The following TP63 variants were observed in gnomAD, a reference collection of about 807,000 sequenced individuals.
The protein encoded by TP63 is tumor protein 63.
Under a neutral mutation model 82.8 loss-of-function variants are expected in TP63, and 17 were observed. The ratio of observed to expected loss-of-function variants is 0.21; its 90% CI spans 0.14 to 0.31. The LOEUF is 0.31. Ranked by LOEUF, TP63 falls within the 10% of genes least tolerant of loss-of-function variation. The pLI is 1.00. For synonymous variants in TP63, 330 were observed against 321.7 expected (o/e 1.03, Z -0.28); for missense variants, 648 against 895.3 (o/e 0.72, Z 3.52).
chr3:189,774,663 A>T (rs1384648044), intron 3 of TP63, among the ~76,000 whole-genome samples: 1 of 152,200 alleles, frequency 6.6e-6, no homozygotes, highest in African/African-American at 2.4e-5. Context: ...TGTAAATGAG[A>T]TGATGTAGGT....
At chr3:189,880,095 G>A in intron 10 of TP63, 1 of 1,613,860 alleles carries the variant, frequency 6.2e-7, no homozygotes, top group Non-Finnish European at 8.5e-7. Context: ...GAATGAGCTT[G>A]TGGAGCCCCG....
At chr3:189,774,123 C>T (rs900929996) in intron 3 of TP63, among the ~76,000 whole-genome samples, 11 of 151,974 alleles carry the variant, frequency 7.2e-5, no homozygotes, top group East Asian at 1.9e-4. Flanking sequence ...GGGGTTTCAC[C>T]GTGTTAGCCA....
chr3:189,612,330 A>G, the TP63 span, among the ~76,000 whole-genome samples: 1 of 151,844 alleles, frequency 6.6e-6, no homozygotes, highest in Non-Finnish European at 1.5e-5. Context: ...TATTCTCATG[A>G]TAGTGAATAA....
chr3:189,758,064 C>T (rs1029974380), intron 3 of TP63, among the ~76,000 whole-genome samples: 1 of 152,212 alleles, frequency 6.6e-6, no homozygotes, highest in South Asian at 2.1e-4. Flanking sequence ...GCACCAGGAA[C>T]CAGTTTTGTA....
chr3:189,842,836 CT>C (rs537760081), intron 4 of TP63, among the ~76,000 whole-genome samples: 8 of 152,180 alleles, frequency 5.3e-5, no homozygotes, highest in Non-Finnish European at 8.8e-5. Context: ...ACACGAGTAC[CT>C]GCTGTATGAC....
chr3:189,810,468 G>A (rs1727422324), intron 4 of TP63, among the ~76,000 whole-genome samples: 1 of 152,050 alleles, frequency 6.6e-6, no homozygotes, highest in African/African-American at 2.4e-5. Flanking sequence ...TTTTTTCCCT[G>A]TAAAATTTTT....
chr3:189,689,921 G>C (rs1229099830), intron 1 of TP63, among the ~76,000 whole-genome samples: 1 of 152,076 alleles, frequency 6.6e-6, no homozygotes, highest in Non-Finnish European at 1.5e-5. Flanking sequence ...GCAGATTTTT[G>C]AACTTTTATA....
intron 1 of TP63, among the ~76,000 whole-genome samples, chr3:189,675,850 T>G (rs1035853386): frequency 1.3e-5 from 2 of 152,148 alleles, no homozygotes; most frequent in African/African-American, 4.8e-5. Context: ...TTAATTCTTA[T>G]GGAAAATGTT....
At chr3:189,636,143 G>A (rs544001874) in intron 1 of TP63, among the ~76,000 whole-genome samples, 1 of 152,184 alleles carries the variant, frequency 6.6e-6, no homozygotes, top group South Asian at 2.1e-4. Context: ...AGTCTCTAAT[G>A]AATAAGCTTC....
At chr3:189,761,910 T>C (rs188872149) in intron 3 of TP63, among the ~76,000 whole-genome samples, 156 of 152,214 alleles carry the variant, frequency 1.0e-3, no homozygotes, top group African/African-American at 3.7e-3. Flanking sequence ...AAACCCCCGT[T>C]TTTAAAACCA....
chr3:189,886,653 C>G, intron 11 of TP63, 102 bp downstream of exon 11: 3 of 1,512,674 alleles, frequency 2.0e-6, no homozygotes, highest in Non-Finnish European at 1.8e-6. Context: ...ATGAGAGACA[C>G]AGTGGGACAG....
At chr3:189,848,825 C>T (rs1354412203) in intron 4 of TP63, among the ~76,000 whole-genome samples, 1 of 152,116 alleles carries the variant, frequency 6.6e-6, no homozygotes, top group Non-Finnish European at 1.5e-5. Flanking sequence ...GGACTTTGTC[C>T]AAGTTTCTTG....
At chr3:189,721,310 A>G (rs1358254535) in intron 1 of TP63, among the ~76,000 whole-genome samples, 1 of 152,210 alleles carries the variant, frequency 6.6e-6, no homozygotes, top group Non-Finnish European at 1.5e-5. Context: ...TAATAGAATA[A>G]TAAAGTAGGA....
At chr3:189,830,211 A>C (rs1340735104) in intron 4 of TP63, among the ~76,000 whole-genome samples, 1 of 152,218 alleles carries the variant, frequency 6.6e-6, no homozygotes, top group African/African-American at 2.4e-5. Context: ...GAAAAAAGCT[A>C]GACCTTTACA....
rs1718623818 is a variant in TP63 at position 189,711,903 on chromosome 3, G to A, written c.63-25837G>A. Reference sequence around the variant, plus strand: ...GCTGATGGAACTTCCGTGATAGGAAGCTGTCATGTTGGTTTGGTGGATGGA... The same window carrying A: ...GCTGATGGAACTTCCGTGATAGGAAACTGTCATGTTGGTTTGGTGGATGGA... On this transcript the variant is annotated intron_variant, in intron 1 of 13. Transcript: ENST00000264731. Among the ~76,000 whole-genome samples the A allele has an allele frequency of 2.0e-5, 3 of 152,156 alleles. No individual in the cohort carries two copies. In the South Asian group the frequency reaches 6.2e-4, roughly 31 times the overall value.
intron 1 of TP63, chr3:189,645,396 G>A: frequency 4.1e-6 from 2 of 493,044 alleles, no homozygotes; most frequent in Non-Finnish European, 7.8e-6. Context: ...GTCTGTCATT[G>A]TTGGAATGAC....
At chr3:189,637,209 C>T (rs1435117709) in intron 1 of TP63, among the ~76,000 whole-genome samples, 1 of 152,052 alleles carries the variant, frequency 6.6e-6, no homozygotes, top group Non-Finnish European at 1.5e-5. Flanking sequence ...CTGGAGAGAA[C>T]ACAAAAACTC....
chr3:189,783,055 G>A (rs1316476720), intron 3 of TP63, among the ~76,000 whole-genome samples: 1 of 151,938 alleles, frequency 6.6e-6, no homozygotes, highest in African/African-American at 2.4e-5. Flanking sequence ...AATAAATAGT[G>A]TAATAATTTT....
chr3:189,864,184 C>T, intron 4 of TP63, 48 bp from the exon 5 acceptor site: 1 of 1,609,834 alleles, frequency 6.2e-7, no homozygotes, highest in Non-Finnish European at 8.5e-7. Context: ...AACAATATCT[C>T]CTGTTGGTTC....
Sources: allele counts gnomAD v4.1 joint callset (sites outside exome capture counted in the v4.1 genomes callset), GRCh38; gene constraint gnomAD v4.1.1; transcripts MANE v1.5; gene names NCBI Gene and HGNC (gene_info 2026-07-23, HGNC 2026-07-21).